The following FBXO16 variants were observed in gnomAD, a reference collection of about 807,000 sequenced individuals.
FBXO16 encodes the protein F-box protein 16.
In FBXO16, 31 loss-of-function variants were observed where a neutral mutation model predicts 41.0. That is an observed-to-expected ratio of 0.76 (90% CI 0.57 to 1.02). The LOEUF is 1.02. Ranked by LOEUF, FBXO16 falls within the 50% of genes least tolerant of loss-of-function variation. The pLI is 0.00. For synonymous variants in FBXO16, 133 were observed against 117.8 expected (o/e 1.13, Z -0.84); for missense variants, 361 against 346.2 (o/e 1.04, Z -0.34).
At chr8:28,448,249 G>C (rs976707747) in intron 6 of FBXO16, among the ~76,000 whole-genome samples, 31 of 151,268 alleles carry the variant, frequency 2.0e-4, no homozygotes, top group Admixed American at 1.8e-3. Flanking sequence ...GCTGAGGTGG[G>C]AGGATCGCTT....
intron 1 of FBXO16, among the ~76,000 whole-genome samples, chr8:28,487,447 T>C (rs932094995): frequency 1.4e-5 from 2 of 148,080 alleles, no homozygotes; most frequent in African/African-American, 5.0e-5. Flanking sequence ...CAGGCTGGAG[T>C]GCAGTGGCGT....
chr8:28,484,329 G>C (rs1803566783), intron 1 of FBXO16, among the ~76,000 whole-genome samples: 2 of 152,198 alleles, frequency 1.3e-5, no homozygotes, highest in Non-Finnish European at 2.9e-5. Flanking sequence ...CATGGTGGGA[G>C]AGACAAAGCC....
chr8:28,452,626 C>T, intron 5 of FBXO16, 150 bp from the exon 6 acceptor site: 1 of 671,650 alleles, frequency 1.5e-6, no homozygotes, highest in Admixed American at 3.0e-5. Context: ...CATGGTGAAA[C>T]CCCGTCTCTA....
chr8:28,472,572 C>A (rs1360099897), intron 3 of FBXO16, among the ~76,000 whole-genome samples: 1 of 152,090 alleles, frequency 6.6e-6, no homozygotes, highest in African/African-American at 2.4e-5. Flanking sequence ...GAAACTCCAT[C>A]TCTACTAAAA....
At chr8:28,471,120 T>G (rs985490250) in intron 3 of FBXO16, among the ~76,000 whole-genome samples, 3 of 152,206 alleles carry the variant, frequency 2.0e-5, no homozygotes, top group Non-Finnish European at 4.4e-5. Flanking sequence ...GGAAGGGGAT[T>G]AAGTAGTAGC....
intron 2 of FBXO16, 126 bp from the exon 3 acceptor site, chr8:28,473,933 G>A: frequency 1.4e-6 from 1 of 711,010 alleles, no homozygotes; most frequent in Non-Finnish European, 2.4e-6. Flanking sequence ...TTAAAAGGCA[G>A]ATTTTACTCC....
intron 2 of FBXO16, among the ~76,000 whole-genome samples, chr8:28,477,753 G>A (rs1043122633): frequency 6.6e-6 from 1 of 152,182 alleles, no homozygotes; most frequent in Non-Finnish European, 1.5e-5. Context: ...ATATAGCTGG[G>A]CATGGTGGTT....
chr8:28,478,089 C>T (rs1373036046), intron 2 of FBXO16, among the ~76,000 whole-genome samples: 13 of 152,098 alleles, frequency 8.5e-5, no homozygotes, highest in East Asian at 5.8e-4. Flanking sequence ...ACACAACTTA[C>T]GTGTATATAT....
intron 3 of FBXO16, among the ~76,000 whole-genome samples, chr8:28,464,931 C>T (rs1478907711): frequency 1.3e-5 from 2 of 152,226 alleles, no homozygotes; most frequent in Non-Finnish European, 2.9e-5. Context: ...AGACTACAGG[C>T]GAGAGCCACT....
In FBXO16 at chr8:28,456,823, C is replaced by G. The variant is rs201411812; in HGVS notation, c.450G>C (p.Gly150=). The G allele has an allele frequency of 6.2e-7, 1 of 1,614,092 alleles. No individual in the cohort carries two copies. The highest frequency in any genetic ancestry group is 2.2e-5 in the East Asian group (1 of 44,886). Residue 150 remains glycine, a synonymous_variant, in exon 5 of 9, where the codon GGG becomes GGC. Transcript: ENST00000380254. ...INFSPTPFEQ[G]IWKKHYIQMV... is the part of the protein sequence containing the mutation. Reference sequence around the variant, plus strand: ...TTTGAATATAGTGCTTCTTCCAGATCCCCTGCTCAAAGGGAGTTGGAGAGA... The same window carrying G: ...TTTGAATATAGTGCTTCTTCCAGATGCCCTGCTCAAAGGGAGTTGGAGAGA...
chr8:28,478,283 G>A (rs1013968043), intron 2 of FBXO16, among the ~76,000 whole-genome samples: 4 of 152,032 alleles, frequency 2.6e-5, no homozygotes, highest in African/African-American at 4.8e-5. Flanking sequence ...TGATGTACTC[G>A]TTCCCCTCCA....
intron 7 of FBXO16, among the ~76,000 whole-genome samples, chr8:28,441,871 TTTATATA>T (rs1194213908): frequency 4.8e-5 from 7 of 146,724 alleles, no homozygotes; most frequent in African/African-American, 1.8e-4. Flanking sequence ...TATATGTGTG[TTTATATA>T]TATATATATA....
At chr8:28,444,304 T>TC (rs908969042) in intron 7 of FBXO16, among the ~76,000 whole-genome samples, 1 of 92,592 alleles carries the variant, frequency 1.1e-5, no homozygotes, top group African/African-American at 4.6e-5. Context: ...TATTTCTTCT[T>TC]TTTTTTTTTT....
At chr8:28,441,306 C>A (rs980457928) in intron 7 of FBXO16, among the ~76,000 whole-genome samples, 1 of 152,156 alleles carries the variant, frequency 6.6e-6, no homozygotes, top group Admixed American at 6.6e-5. Flanking sequence ...GCAGGTTTTC[C>A]CTGCCTCTGA....
At chr8:28,458,987 A>G (rs540427442) in intron 4 of FBXO16, among the ~76,000 whole-genome samples, 6 of 152,290 alleles carry the variant, frequency 3.9e-5, no homozygotes, top group Admixed American at 1.3e-4. Context: ...CTGGCTGAAG[A>G]ATGATGGTCT....
intron 1 of FBXO16, among the ~76,000 whole-genome samples, chr8:28,485,375 G>T (rs936689917): frequency 6.6e-6 from 1 of 152,022 alleles, no homozygotes; most frequent in African/African-American, 2.4e-5. Context: ...GTTTCACCAT[G>T]TTGGCTAGGC....
rs1303865661 is a variant in FBXO16, at chr8:28,483,522, A to C, written c.-16-60T>G. The C allele has an allele frequency of 7.1e-6, 9 of 1,263,772 alleles. No individual in the cohort carries two copies. In the South Asian group the frequency reaches 1.1e-4, roughly 16 times the overall value. 78.3% of individuals were successfully genotyped at this position (1,263,772 alleles called of 1,614,324 possible). A position where few individuals can be genotyped will look rare whatever the true frequency, so the allele number is the denominator to read the frequency against. ...TGAATCATATAACCCTCAGAAAACA[A>C]AAATTACTAATACCAGCCAGGCACG... On this transcript the variant is annotated intron_variant, in intron 1 of 8. Coordinates refer to ENST00000380254, the MANE Select transcript of FBXO16 (RefSeq NM_172366.4).
At chr8:28,484,962 G>A (rs1040678237) in intron 1 of FBXO16, among the ~76,000 whole-genome samples, 4 of 151,968 alleles carry the variant, frequency 2.6e-5, no homozygotes, top group East Asian at 3.9e-4. Flanking sequence ...CACAACCTCC[G>A]CTTCCCAGGT....
chr8:28,457,358 A>T (rs112604679), intron 4 of FBXO16, among the ~76,000 whole-genome samples: 1 of 152,104 alleles, frequency 6.6e-6, no homozygotes, highest in Admixed American at 6.6e-5. Context: ...TATTCTTTTC[A>T]TGGTGTGCTT....
Sources: gnomAD v4.1 joint callset for allele counts (sites outside exome capture counted in the v4.1 genomes callset) on GRCh38, gnomAD v4.1.1 for gene constraint, MANE v1.5 for transcripts, NCBI Gene and HGNC (gene_info 2026-07-23, HGNC 2026-07-21) for gene names.